FHIT: variants seen among roughly 807,000 people sequenced by gnomAD.
FHIT encodes fragile histidine triad diadenosine triphosphatase.
FHIT carries 19 observed loss-of-function variants against 17.9 expected under a neutral mutation model. That is an observed-to-expected ratio of 1.06 (90% CI 0.74 to 1.56). The LOEUF (loss-of-function observed/expected upper bound fraction) is 1.56. FHIT is among the 40% of genes most tolerant of loss of function. The pLI, the probability that FHIT is intolerant of heterozygous loss-of-function variation, is 0.00. For missense variants in FHIT, 248 were observed against 189.2 expected (o/e 1.31, Z -1.82); for synonymous variants, 81 against 69.7 (o/e 1.16, Z -0.81).
intron 5 of FHIT, among the ~76,000 whole-genome samples, chr3:60,194,146 G>A (rs749380166): frequency 1.1e-4 from 16 of 151,934 alleles, no homozygotes; most frequent in African/African-American, 2.2e-4. Flanking sequence ...AATCCTAAAC[G>A]GAACAAATCT....
At chr3:60,707,967 T>C (rs1242677481) in intron 4 of FHIT, among the ~76,000 whole-genome samples, 1 of 152,232 alleles carries the variant, frequency 6.6e-6, no homozygotes, top group Non-Finnish European at 1.5e-5. Context: ...GAATACGCTA[T>C]AGTTTTCAAT....
intron 8 of FHIT, among the ~76,000 whole-genome samples, chr3:59,880,241 G>A (rs940557990): frequency 4.6e-5 from 7 of 152,052 alleles, no homozygotes; most frequent in South Asian, 2.1e-4. Flanking sequence ...TACTCCAAGC[G>A]CCTTCCCTCC....
At chr3:60,025,128 C>T (rs557965861) in intron 5 of FHIT, among the ~76,000 whole-genome samples, 11 of 152,262 alleles carry the variant, frequency 7.2e-5, no homozygotes, top group African/African-American at 1.7e-4. Flanking sequence ...TTTTGAGATA[C>T]GGTGGGTGGG....
intron 1 of FHIT, among the ~76,000 whole-genome samples, chr3:61,223,365 C>T (rs77644980): frequency 1.3e-5 from 2 of 152,296 alleles, no homozygotes; most frequent in East Asian, 3.9e-4. Flanking sequence ...ACCAGATCCC[C>T]AGTTCCACCC....
intron 7 of FHIT, among the ~76,000 whole-genome samples, chr3:59,987,135 T>A (rs957127086): frequency 6.9e-6 from 1 of 144,300 alleles, no homozygotes; most frequent in Non-Finnish European, 1.5e-5. Context: ...ATATAAAATA[T>A]ATAATTATAT....
At chr3:60,863,410 T>C (rs1351016270) in intron 3 of FHIT, among the ~76,000 whole-genome samples, 10 of 152,232 alleles carry the variant, frequency 6.6e-5, no homozygotes, top group Admixed American at 6.5e-4. Context: ...TAAATGTGTG[T>C]TGTTTTAAGT....
chr3:60,836,560 G>A (rs1430899477), intron 3 of FHIT, among the ~76,000 whole-genome samples: 3 of 152,130 alleles, frequency 2.0e-5, no homozygotes, highest in Admixed American at 2.0e-4. Context: ...TGTGTGTAGA[G>A]TTGTTCATGG....
At chr3:59,935,124 G>A (rs561801667) in intron 7 of FHIT, among the ~76,000 whole-genome samples, 1 of 152,260 alleles carries the variant, frequency 6.6e-6, no homozygotes, top group Admixed American at 6.5e-5. Flanking sequence ...ACATGCAGGA[G>A]CTCAGAGGTT....
intron 8 of FHIT, among the ~76,000 whole-genome samples, chr3:59,897,626 T>C (rs1438514678): frequency 6.6e-6 from 1 of 152,110 alleles, no homozygotes; most frequent in Non-Finnish European, 1.5e-5. Context: ...CATGAACAAA[T>C]ATAAGCACAG....
chr3:60,466,802 C>T (rs1182921241), intron 5 of FHIT, among the ~76,000 whole-genome samples: 1 of 144,266 alleles, frequency 6.9e-6, no homozygotes, highest in African/African-American at 2.6e-5. Flanking sequence ...CATCTATATT[C>T]ATCAGGGTTA....
intron 3 of FHIT, among the ~76,000 whole-genome samples, chr3:61,027,096 CT>C (rs1223411462): frequency 6.6e-6 from 1 of 151,432 alleles, no homozygotes; most frequent in Non-Finnish European, 1.5e-5. Flanking sequence ...ATACTTTTTT[CT>C]TTTTTTTGAG....
rs1353225393 is a variant in FHIT, at chr3:60,244,201, C to A, written c.104-230049G>T. ...ATTTTCAACTGTTCATTCTAATGTT[C>A]AATACTTCAGTTATTATACTTCATA... On this transcript the variant is annotated intron_variant, in intron 5 of 9. Coordinates refer to ENST00000492590, the MANE Select transcript of FHIT (RefSeq NM_002012.4). Among the ~76,000 whole-genome samples the A allele has an allele frequency of 2.0e-5, 3 of 152,010 alleles. No homozygotes were observed. In the South Asian group the frequency reaches 6.2e-4, roughly 32 times the overall value.
chr3:60,094,495 A>G (rs1175558682), intron 5 of FHIT, among the ~76,000 whole-genome samples: 3 of 152,180 alleles, frequency 2.0e-5, no homozygotes, highest in African/African-American at 4.8e-5. Flanking sequence ...ATTAAATAGA[A>G]CAATACTGAG....
chr3:60,147,379 G>T (rs1467587758), intron 5 of FHIT, among the ~76,000 whole-genome samples: 1 of 152,148 alleles, frequency 6.6e-6, no homozygotes, highest in African/African-American at 2.4e-5. Context: ...AGAGACTGCA[G>T]CAGCTCTGGG....
At chr3:60,584,624 T>A (rs2107684923) in intron 4 of FHIT, among the ~76,000 whole-genome samples, 1 of 152,164 alleles carries the variant, frequency 6.6e-6, no homozygotes, top group East Asian at 1.9e-4. Flanking sequence ...CAGAAATTTA[T>A]CAGAATCTTT....
intron 2 of FHIT, among the ~76,000 whole-genome samples, chr3:61,190,830 G>A (rs149885240): frequency 0.012 from 1,816 of 150,188 alleles, 39 homozygotes; most frequent in African/African-American, 0.042. Flanking sequence ...CTATCACAAG[G>A]ACAAAACACC....
At chr3:60,588,579 A>G (rs1392275636) in intron 4 of FHIT, among the ~76,000 whole-genome samples, 1 of 152,162 alleles carries the variant, frequency 6.6e-6, no homozygotes, top group African/African-American at 2.4e-5. Flanking sequence ...CTCCAGACCA[A>G]CTGATTCAGA....
chr3:60,806,783 AG>A (rs1701406193), intron 4 of FHIT, among the ~76,000 whole-genome samples: 1 of 152,242 alleles, frequency 6.6e-6, no homozygotes, highest in African/African-American at 2.4e-5. Flanking sequence ...TCACAGTAAA[AG>A]TTTGCTGTAA....
intron 4 of FHIT, among the ~76,000 whole-genome samples, chr3:60,721,515 C>A (rs1163294993): frequency 1.3e-5 from 2 of 152,130 alleles, no homozygotes; most frequent in Non-Finnish European, 2.9e-5. Context: ...ACCAAGCCAA[C>A]ACAAAGGCCT....
Sources: gnomAD v4.1 joint callset for allele counts (sites outside exome capture counted in the v4.1 genomes callset) on GRCh38, gnomAD v4.1.1 for gene constraint, MANE v1.5 for transcripts, NCBI Gene and HGNC (gene_info 2026-07-23, HGNC 2026-07-21) for gene names.